WNK1: variants seen among roughly 807,000 people sequenced by gnomAD.
WNK1 encodes WNK lysine deficient protein kinase 1.
In WNK1, 38 loss-of-function variants were observed where a neutral mutation model predicts 222.8. The ratio of observed to expected loss-of-function variants is 0.17; its 90% CI spans 0.13 to 0.22. WNK1 has a LOEUF of 0.22. Among genes scored for constraint, WNK1 ranks in the 10% least tolerant of loss-of-function variants. The pLI, the probability that WNK1 is intolerant of heterozygous loss-of-function variation, is 1.00. For synonymous variants in WNK1, 1,090 were observed against 1,092.9 expected, an observed-to-expected ratio of 1.00 and a Z score of 0.05; for missense variants, 2,348 against 2,918.4, an observed-to-expected ratio of 0.80 and a Z score of 4.50.
intron 2 of WNK1, among the ~76,000 whole-genome samples, chr12:823,445 C>G (rs1948073344): frequency 6.6e-6 from 1 of 152,200 alleles, no homozygotes; most frequent in Non-Finnish European, 1.5e-5. Flanking sequence ...CCACAGATCT[C>G]TTAGACTCTG....
rs548580955 is a variant in WNK1, at chr12:875,629, GA to G, written c.2224-2574del. On this transcript the variant is annotated intron_variant, in intron 9 of 27. Transcript: ENST00000315939. ...ATGAATAAAAACCTATAAGAGAAAG[GA>G]AAAAAAAATCTAGTTTTATTTTAAT... Among the ~76,000 whole-genome samples, 734 of 151,334 alleles carry G rather than the reference GA, an allele frequency of 4.9e-3. 6 individuals are homozygous for G. Among genetic ancestry groups the G allele is most frequent in the African/African-American group, 0.017 (689 of 41,306 alleles).
rs1953595287 is a variant in WNK1 at position 885,834 on chromosome 12, C to T, written c.5030C>T (p.Ser1677Leu). 1 of 1,614,096 alleles carries T rather than the reference C, an allele frequency of 6.2e-7. No individual in the cohort carries two copies. Among genetic ancestry groups the T allele is most frequent in the Non-Finnish European group, 8.5e-7 (1 of 1,180,042 alleles). ...TCTGGAGCTCAGCATGCCTCTGTCT[C>T]ACTGGAGACCTCACTAGTCATAGAG... Reference protein sequence around the residue: ...SSSGAQHASVSLETSLVIEST... With the variant: ...SSSGAQHASVLLETSLVIEST... The change falls in exon 19 of 28, where the codon TCA becomes TTA. Residue 1677 changes from serine to leucine, a missense_variant. Ser to Leu is a moderately radical substitution (Grantham distance 145). Around this residue, in one of 13 missense-constraint regions of WNK1, gnomAD observed 1,144 missense variants for 1,273.6 expected, o/e 0.90. Coordinates refer to ENST00000315939, the MANE Select transcript of WNK1 (RefSeq NM_018979.4).
intron 9 of WNK1, among the ~76,000 whole-genome samples, chr12:873,360 A>G (rs752170047): frequency 6.6e-6 from 1 of 152,210 alleles, no homozygotes; most frequent in African/African-American, 2.4e-5. Flanking sequence ...AGAATTAGGT[A>G]GCTACCTCTC....
Position 896,302 on chromosome 12 carries a change from C to G in WNK1, c.5815C>G (p.Gln1939Glu). The G allele has an allele frequency of 6.2e-7, 1 of 1,614,192 alleles. No homozygotes were observed. The highest frequency in any genetic ancestry group is 8.5e-7 in the Non-Finnish European group (1 of 1,180,034). Residue 1939 changes from glutamine to glutamate, a missense_variant, in exon 24 of 28, where the codon CAG (glutamine) becomes GAG (glutamate). Physicochemically the swap from Gln to Glu is conservative, Grantham distance 29. Around this residue, in one of 13 missense-constraint regions of WNK1, gnomAD observed 1,144 missense variants for 1,273.6 expected, o/e 0.90. Coordinates refer to ENST00000315939, the MANE Select transcript of WNK1 (RefSeq NM_018979.4). ...TASEAKSDTGQPTKVGRFQVT... is the reference protein window; with the variant it reads ...TASEAKSDTGEPTKVGRFQVT... ...CTCAGAGGCAAAGTCAGACACTGGG[C>G]AGCCTACCAAGGTTGGACGTTTTCA... is the stretch of plus-strand genomic sequence containing the variant.
At chr12:857,497 A>T (rs772955603) in intron 5 of WNK1, among the ~76,000 whole-genome samples, 1 of 152,236 alleles carries the variant, frequency 6.6e-6, no homozygotes, top group Non-Finnish European at 1.5e-5. Context: ...GCTACATTCC[A>T]TGAGAACTGC....
chr12:772,004 G>T (rs1942564907), intron 1 of WNK1, among the ~76,000 whole-genome samples: 1 of 151,628 alleles, frequency 6.6e-6, no homozygotes, highest in Non-Finnish European at 1.5e-5. Context: ...GATAGTCATT[G>T]TTTATGGCTA....
intron 26 of WNK1, among the ~76,000 whole-genome samples, chr12:903,768 A>G (rs1005422081): frequency 6.6e-6 from 1 of 152,208 alleles, no homozygotes; most frequent in African/African-American, 2.4e-5. Flanking sequence ...AAATATGGAA[A>G]GGAAACAGGT....
chr12:827,673 C>T lies in WNK1; in HGVS notation c.1153+411C>T, dbSNP rs1240678009. Among the ~76,000 whole-genome samples, 1 of 152,022 alleles carries T rather than the reference C, an allele frequency of 6.6e-6. No individual in the cohort carries two copies. Among genetic ancestry groups the T allele is most frequent in the African/African-American group, 2.4e-5 (1 of 41,416 alleles). On this transcript the variant is annotated intron_variant, in intron 3 of 27. Transcript: ENST00000315939. This position sits in a 1 kb window ranked among gnomAD's most constrained non-coding sequence, Gnocchi z 4.6. ...CCTCCCGAGTAGCTGGGATTACAGGCATGCATCACCATGCCTGGCTAATTT... is the reference window on the plus strand; with the variant it reads ...CCTCCCGAGTAGCTGGGATTACAGGTATGCATCACCATGCCTGGCTAATTT...
chr12:856,959 G>A (rs930915991), intron 4 of WNK1, among the ~76,000 whole-genome samples: 5 of 152,096 alleles, frequency 3.3e-5, no homozygotes, highest in Admixed American at 6.5e-5. Context: ...AAGTGACCCT[G>A]CTGTCACTGT....
intron 25 of WNK1, among the ~76,000 whole-genome samples, chr12:899,841 C>A (rs1218766563): frequency 6.9e-6 from 1 of 145,438 alleles, no homozygotes; most frequent in Non-Finnish European, 1.5e-5. Context: ...AATGATTCAA[C>A]ACATTTTCTA....
chr12:881,273 T>C (rs756448218), intron 12 of WNK1, among the ~76,000 whole-genome samples: 25 of 152,202 alleles, frequency 1.6e-4, no homozygotes, highest in Non-Finnish European at 3.1e-4. Flanking sequence ...ATTATTCTTG[T>C]CCTTTCACAA....
intron 26 of WNK1, chr12:906,240 G>T: frequency 2.2e-6 from 2 of 895,946 alleles, no homozygotes; most frequent in South Asian, 5.2e-5. Context: ...TAAGACAGTG[G>T]GGGGTAAGGA....
intron 1 of WNK1, among the ~76,000 whole-genome samples, chr12:798,543 T>A (rs967688926): frequency 6.6e-6 from 1 of 152,214 alleles, no homozygotes; most frequent in Non-Finnish European, 1.5e-5. Flanking sequence ...TATCGAGTCT[T>A]CTGCCTTCCT....
At position 884,892 on chromosome 12, in the gene WNK1, C is replaced by G. The variant is rs773207256; in HGVS notation, c.4088C>G (p.Pro1363Arg). The G allele has an allele frequency of 6.2e-7, 1 of 1,614,154 alleles. No individual in the cohort carries two copies. The highest frequency in any genetic ancestry group is 1.7e-5 in the Admixed American group (1 of 60,026). ...TAPVPATSSP[P>R]NDISTSVIQS... Reference sequence around the variant, plus strand: ...CCAGTCCCTGCAACAAGCAGCCCTCCTAATGACATTTCCACATCAGTAATT... The same window carrying G: ...CCAGTCCCTGCAACAAGCAGCCCTCGTAATGACATTTCCACATCAGTAATT... The change falls in exon 19 of 28, where the codon CCT becomes CGT. Residue 1363 changes from proline to arginine, a missense_variant. By Grantham distance (103) the Pro-to-Arg change is moderately radical (BLOSUM62 -2). Transcript: ENST00000315939. This position sits in a 1 kb window ranked among gnomAD's most constrained non-coding sequence, Gnocchi z 5.6.
At chr12:795,689 C>T (rs555903910) in intron 1 of WNK1, among the ~76,000 whole-genome samples, 142 of 152,096 alleles carry the variant, frequency 9.3e-4, no homozygotes, top group Non-Finnish European at 8.8e-4. Context: ...TTCTATAGTT[C>T]GTGTCTTTCT....
chr12:910,486 G>T lies in WNK1; in HGVS notation c.*1694G>T, dbSNP rs1956005925. 1 of 152,124 alleles carries T rather than the reference G, an allele frequency of 6.6e-6. No individual in the cohort carries two copies. Among genetic ancestry groups the T allele is most frequent in the African/African-American group, 2.4e-5 (1 of 41,412 alleles). 9.4% of individuals were successfully genotyped at this position (152,124 alleles called of 1,614,324 possible). A position where few individuals can be genotyped will look rare whatever the true frequency, so the allele number is the denominator to read the frequency against. ...AACTGCAACCAATCAGTGTTATTCA[G>T]TGCTATGCCTCCTTGTAATGGGTAG... On this transcript the variant is annotated 3_prime_UTR_variant, in exon 28 of 28. Transcript: ENST00000315939.
chr12:862,002 T>A, intron 7 of WNK1, 81 bp from the exon 8 acceptor site: 1 of 1,544,664 alleles, frequency 6.5e-7, no homozygotes, highest in South Asian at 1.1e-5. Context: ...ATAATGGGTC[T>A]AAATATGAGA....
chr12:800,631 A>T (rs1945779001), intron 1 of WNK1, among the ~76,000 whole-genome samples: 1 of 152,148 alleles, frequency 6.6e-6, no homozygotes, highest in Non-Finnish European at 1.5e-5. Context: ...TTTAAGAATG[A>T]GGCTTACCAT....
chr12:838,077 C>CTGTG (rs766129025), intron 4 of WNK1, among the ~76,000 whole-genome samples: 21 of 70,154 alleles, frequency 3.0e-4, no homozygotes, highest in African/African-American at 9.0e-4. Context: ...AGTAATATTC[C>CTGTG]AGTGTGTGTG....
Sources: gnomAD v4.1 joint callset for allele counts (sites outside exome capture counted in the v4.1 genomes callset) on GRCh38, gnomAD v4.1.1 for gene constraint, gnomAD v4.1.1 regional missense constraint, Gnocchi (gnomAD v3.1) non-coding constraint, MANE v1.5 for transcripts, NCBI Gene and HGNC (gene_info 2026-07-23, HGNC 2026-07-21) for gene names.